The following TMEM200A variants were observed in gnomAD, a reference collection of about 807,000 sequenced individuals.
The protein encoded by TMEM200A is two transmembrane C.
TMEM200A carries 12 observed loss-of-function variants against 24.3 expected under a neutral mutation model. The observed-to-expected ratio is 0.49, with a 90% CI of 0.32 to 0.80. The LOEUF (loss-of-function observed/expected upper bound fraction) is 0.80, where lower values mean the gene tolerates loss of function less well. TMEM200A is among the 30% of genes least tolerant of loss of function. TMEM200A has a pLI of 0.04. For missense variants in TMEM200A, 545 were observed against 614.4 expected, an observed-to-expected ratio of 0.89 and a Z score of 1.19; for synonymous variants, 224 against 224.4, an observed-to-expected ratio of 1.00 and a Z score of 0.02.
At chr6:130,383,516 C>T (rs1481895234) in intron 1 of TMEM200A, among the ~76,000 whole-genome samples, 3 of 152,186 alleles carry the variant, frequency 2.0e-5, no homozygotes, top group East Asian at 3.9e-4. Flanking sequence ...CATCTTCACT[C>T]AGCTGTGTAT....
chr6:130,441,064 G>A lies in TMEM200A; in HGVS notation c.642G>A (p.Ser214=), dbSNP rs1219771733. 6.2e-6 allele frequency: 10 copies of A among 1,613,822 alleles called. No homozygotes were observed. Among genetic ancestry groups the A allele is most frequent in the Admixed American group, 1.7e-5 (1 of 59,982 alleles). ...CAGCAAATACGATCGCCTCTTTCTC[G>A]GGTTTTCGGAGCAGTTTTCGAATGG... The part of the protein sequence containing the change: ...RLAANTIASF[S]GFRSSFRMDS... Residue 214 remains serine, a synonymous_variant, in exon 3 of 3, where the codon TCG becomes TCA. Transcript: ENST00000296978.
intron 2 of TMEM200A, among the ~76,000 whole-genome samples, chr6:130,430,002 C>G (rs1286536775): frequency 2.0e-5 from 3 of 152,164 alleles, no homozygotes; most frequent in Non-Finnish European, 4.4e-5. Flanking sequence ...AAGCGACTCC[C>G]TCTTCATTTT....
intron 1 of TMEM200A, among the ~76,000 whole-genome samples, chr6:130,376,188 GAAAA>G (rs901152110): frequency 6.6e-6 from 1 of 151,710 alleles, no homozygotes; most frequent in Admixed American, 6.6e-5. Context: ...CTACTTGTAA[GAAAA>G]AAAATTAACC....
At chr6:130,376,205 G>A (rs758823075) in intron 1 of TMEM200A, among the ~76,000 whole-genome samples, 3 of 151,912 alleles carry the variant, frequency 2.0e-5, no homozygotes, top group Non-Finnish European at 4.4e-5. Flanking sequence ...AATTAACCTC[G>A]GATATAAAAT....
At chr6:130,439,969 T>C (rs1238424399) in intron 2 of TMEM200A, among the ~76,000 whole-genome samples, 1 of 152,088 alleles carries the variant, frequency 6.6e-6, no homozygotes, top group Non-Finnish European at 1.5e-5. Context: ...TTAAGTATTC[T>C]AGATTTGTCC....
At chr6:130,367,013 T>A (rs1562545199) in intron 1 of TMEM200A, among the ~76,000 whole-genome samples, 2 of 152,246 alleles carry the variant, frequency 1.3e-5, no homozygotes, top group African/African-American at 2.4e-5. Context: ...ACTGAGGGCT[T>A]CTAAGATTTG....
chr6:130,395,356 G>A (rs768229907), intron 2 of TMEM200A, among the ~76,000 whole-genome samples: 3 of 152,162 alleles, frequency 2.0e-5, no homozygotes, highest in South Asian at 2.1e-4. Context: ...TAATTTTGGA[G>A]GCTGTGGAAA....
At chr6:130,418,989 T>C (rs1562566005) in intron 2 of TMEM200A, among the ~76,000 whole-genome samples, 1 of 152,190 alleles carries the variant, frequency 6.6e-6, no homozygotes, top group Non-Finnish European at 1.5e-5. Context: ...TGCCCTACTC[T>C]GCTATTGAAC....
At chr6:130,429,093 C>T (rs1779814533) in intron 2 of TMEM200A, among the ~76,000 whole-genome samples, 1 of 152,144 alleles carries the variant, frequency 6.6e-6, no homozygotes, top group South Asian at 2.1e-4. Context: ...AGTGTAACAA[C>T]ACCGATTTTC....
Position 130,366,451 on chromosome 6 carries a change from C to T in TMEM200A, c.-154C>T, listed in dbSNP as rs894563375. The T allele has an allele frequency of 2.0e-6, 2 of 985,660 alleles. No individual in the cohort carries two copies. The highest frequency in any genetic ancestry group is 2.4e-6 in the Non-Finnish European group (2 of 830,094). 61.1% of individuals were successfully genotyped at this position (985,660 alleles called of 1,614,324 possible). Reference sequence around the variant, plus strand: ...CCTCCAGAGGCGCCCGACGTCCCGACAGCTCCTGGAGTGAGACCAGGACTG... The same window carrying T: ...CCTCCAGAGGCGCCCGACGTCCCGATAGCTCCTGGAGTGAGACCAGGACTG... On this transcript the variant is annotated 5_prime_UTR_variant, in exon 1 of 3. Transcript: ENST00000296978. The surrounding 1 kb of genome is among the most constrained non-coding windows in gnomAD (Gnocchi z 4.4).
At chr6:130,373,095 A>T (rs977036393) in intron 1 of TMEM200A, among the ~76,000 whole-genome samples, 2 of 152,190 alleles carry the variant, frequency 1.3e-5, no homozygotes, top group African/African-American at 4.8e-5. Flanking sequence ...GAGAATCAAC[A>T]TCTTTGGGCT....
chr6:130,387,296 G>A (rs757350721), intron 2 of TMEM200A, among the ~76,000 whole-genome samples: 6 of 151,922 alleles, frequency 3.9e-5, no homozygotes, highest in South Asian at 4.2e-4. Context: ...GTTTTTTGAC[G>A]GACTCTCGCT....
intron 2 of TMEM200A, among the ~76,000 whole-genome samples, chr6:130,433,430 G>A (rs1779927326): frequency 1.3e-5 from 2 of 152,078 alleles, no homozygotes; most frequent in African/African-American, 2.4e-5. Flanking sequence ...GAGCCACCAC[G>A]CCCAGCCAAA....
At chr6:130,383,310 T>C (rs1471400836) in intron 1 of TMEM200A, among the ~76,000 whole-genome samples, 5 of 152,150 alleles carry the variant, frequency 3.3e-5, no homozygotes, top group African/African-American at 4.8e-5. Flanking sequence ...TGAGACACTG[T>C]GAGGTGAGCA....
intron 2 of TMEM200A, among the ~76,000 whole-genome samples, chr6:130,416,823 A>G (rs1365738959): frequency 6.6e-6 from 1 of 152,146 alleles, no homozygotes; most frequent in African/African-American, 2.4e-5. Context: ...AATATGATCT[A>G]TGAAATCTCA....
chr6:130,388,913 G>A (rs9492568), intron 2 of TMEM200A, among the ~76,000 whole-genome samples: 37,664 of 151,980 alleles, frequency 0.25, 5,772 homozygotes, highest in African/African-American at 0.43. Context: ...GTATATTTAA[G>A]AGAAATTACT....
chr6:130,418,542 C>T (rs1023627957), intron 2 of TMEM200A, among the ~76,000 whole-genome samples: 3 of 152,054 alleles, frequency 2.0e-5, no homozygotes, highest in East Asian at 1.9e-4. Flanking sequence ...TCCCACTTTA[C>T]GAATAAAAAC....
chr6:130,391,889 C>T (rs1460284416), intron 2 of TMEM200A, among the ~76,000 whole-genome samples: 4 of 151,922 alleles, frequency 2.6e-5, no homozygotes, highest in Admixed American at 6.6e-5. Flanking sequence ...ATAACGGGTG[C>T]CCGCCACCAT....
chr6:130,440,875 T>C lies in TMEM200A; in HGVS notation c.453T>C (p.Arg151=). 6.2e-7 allele frequency: 1 copy of C among 1,614,012 alleles called. No homozygotes were observed. The highest frequency in any genetic ancestry group is 8.5e-7 in the Non-Finnish European group (1 of 1,179,980). The change falls in exon 3 of 3, where the codon CGT becomes CGC. Residue 151 remains arginine (R), a synonymous_variant. Coordinates refer to ENST00000296978, the MANE Select transcript of TMEM200A (RefSeq NM_001258277.2). ...CTAATGCCATTCTTCATGAAAACCG[T>C]GACAAAGAGACCAAAATCATACACA... ...ICANAILHEN[R]DKETKIIHMR...
Sources: allele counts gnomAD v4.1 joint callset (sites outside exome capture counted in the v4.1 genomes callset), GRCh38; gene constraint gnomAD v4.1.1; non-coding constraint Gnocchi (gnomAD v3.1); transcripts MANE v1.5; gene names NCBI Gene and HGNC (gene_info 2026-07-23, HGNC 2026-07-21).